ZC3H12B: variants seen among roughly 807,000 people sequenced by gnomAD.
ZC3H12B encodes the protein probable ribonuclease ZC3H12B.
Under a neutral mutation model 43.9 loss-of-function variants are expected in ZC3H12B, and 7 were observed. The ratio of observed to expected loss-of-function variants is 0.16; its 90% CI spans 0.09 to 0.30. The LOEUF (loss-of-function observed/expected upper bound fraction) is 0.30, where lower values mean the gene tolerates loss of function less well. Ranked by LOEUF, ZC3H12B falls within the 10% of genes least tolerant of loss-of-function variation. The pLI is 1.00. For missense variants in ZC3H12B, 475 were observed against 670.2 expected (o/e 0.71, Z 3.22); for synonymous variants, 222 against 241.7 (o/e 0.92, Z 0.76).
At chrX:65,410,761 T>A (rs2066895002) in intron 3 of ZC3H12B, among the ~76,000 whole-genome samples, 1 of 111,942 alleles carries the variant, frequency 8.9e-6, no homozygotes, top group African/African-American at 3.3e-5. Context: ...CAATAAGATA[T>A]CATCTCACCC....
chrX:65,144,663 G>A, the ZC3H12B span, among the ~76,000 whole-genome samples: 1 of 111,169 alleles, frequency 9.0e-6, no homozygotes, highest in African/African-American at 3.3e-5. Context: ...GTTTTGATAG[G>A]TTGTGTCACT....
chrX:65,170,941 T>A, the ZC3H12B span, among the ~76,000 whole-genome samples: 2 of 111,848 alleles, frequency 1.8e-5, no homozygotes, highest in Non-Finnish European at 3.8e-5. Flanking sequence ...TCGTCTAATA[T>A]TTTTTCAAGG....
chrX:65,418,266 C>A (rs1232007345), intron 3 of ZC3H12B, among the ~76,000 whole-genome samples: 2 of 111,494 alleles, frequency 1.8e-5, no homozygotes, highest in African/African-American at 6.5e-5. Context: ...AATACCCTAG[C>A]TCATTGTGTA....
At chrX:65,150,184 TA>T in the ZC3H12B span, among the ~76,000 whole-genome samples, 1 of 110,799 alleles carries the variant, frequency 9.0e-6, no homozygotes, top group African/African-American at 3.3e-5. Context: ...TATTATTACT[TA>T]TTTTTTTGCA....
At chrX:65,196,848 AG>A in the ZC3H12B span, among the ~76,000 whole-genome samples, 9 of 111,781 alleles carry the variant, frequency 8.1e-5, no homozygotes, top group African/African-American at 2.9e-4. Context: ...TCCAATAGAC[AG>A]GAAAAAAGAC....
intron 2 of ZC3H12B, among the ~76,000 whole-genome samples, chrX:65,381,426 C>A (rs776492614): frequency 4.4e-4 from 49 of 111,355 alleles, no homozygotes; most frequent in African/African-American, 1.6e-3. Context: ...ACACAACATA[C>A]CAGATTCTCT....
the ZC3H12B span, among the ~76,000 whole-genome samples, chrX:65,280,369 T>G: frequency 1.8e-5 from 2 of 112,195 alleles, no homozygotes; most frequent in Non-Finnish European, 3.8e-5. Context: ...ATAAAAACTC[T>G]TAATAAATTA....
the ZC3H12B span, among the ~76,000 whole-genome samples, chrX:65,097,626 A>G: frequency 8.9e-6 from 1 of 111,962 alleles, no homozygotes; most frequent in African/African-American, 3.2e-5. Flanking sequence ...CTCATATATC[A>G]TAATGTACTT....
chrX:65,302,066 A>G, the ZC3H12B span, among the ~76,000 whole-genome samples: 1 of 111,515 alleles, frequency 9.0e-6, no homozygotes, highest in East Asian at 2.8e-4. Context: ...ATACCTAACA[A>G]TATACTTAAT....
the ZC3H12B span, among the ~76,000 whole-genome samples, chrX:65,281,387 G>A: frequency 5.6e-4 from 62 of 110,162 alleles, no homozygotes; most frequent in Non-Finnish European, 1.1e-3. Flanking sequence ...GGTGTGATCT[G>A]GCTGATTTTT....
chrX:65,129,184 A>G, the ZC3H12B span, among the ~76,000 whole-genome samples: 2 of 107,941 alleles, frequency 1.9e-5, no homozygotes, highest in Non-Finnish European at 3.8e-5. Context: ...TGATATATCT[A>G]TAGTGTTTTT....
At chrX:65,127,638 C>A in the ZC3H12B span, among the ~76,000 whole-genome samples, 3 of 111,057 alleles carry the variant, frequency 2.7e-5, no homozygotes, top group African/African-American at 9.8e-5. Flanking sequence ...AGAAAGACCA[C>A]CTGGTTGTGG....
At chrX:65,160,260 G>A in the ZC3H12B span, among the ~76,000 whole-genome samples, 2 of 111,830 alleles carry the variant, frequency 1.8e-5, no homozygotes, top group Non-Finnish European at 3.8e-5. Flanking sequence ...TTGGTATCAG[G>A]ATGATGCTGG....
At chrX:65,303,241 GC>G in the ZC3H12B span, among the ~76,000 whole-genome samples, 2 of 110,453 alleles carry the variant, frequency 1.8e-5, no homozygotes, top group Non-Finnish European at 3.8e-5. Flanking sequence ...AAGGAGAGGA[GC>G]AAAAAGAACT....
At chrX:65,195,430 C>G in the ZC3H12B span, among the ~76,000 whole-genome samples, 1 of 112,015 alleles carries the variant, frequency 8.9e-6, no homozygotes, top group Non-Finnish European at 1.9e-5. Flanking sequence ...AACCAACAAA[C>G]AAGCGAAGAG....
At chrX:65,396,842 C>T (rs964063303) in intron 2 of ZC3H12B, among the ~76,000 whole-genome samples, 5 of 110,336 alleles carry the variant, frequency 4.5e-5, no homozygotes, top group African/African-American at 1.3e-4. Context: ...AGTCTAAGCC[C>T]CTTTGTAGGT....
At chrX:65,433,312 G>A (rs2067184939) in intron 3 of ZC3H12B, among the ~76,000 whole-genome samples, 1 of 112,090 alleles carries the variant, frequency 8.9e-6, no homozygotes, top group South Asian at 3.7e-4. Context: ...TTTGATGATG[G>A]CACTAATCTC....
chrX:65,341,901 T>A, the ZC3H12B span, among the ~76,000 whole-genome samples: 1 of 111,258 alleles, frequency 9.0e-6, no homozygotes, highest in South Asian at 3.7e-4. Context: ...AATTCCCCAA[T>A]TAAATGGCAC....
chrX:65,365,122 C>A (rs1473896126), upstream of ZC3H12B, among the ~76,000 whole-genome samples: 1 of 110,894 alleles, frequency 9.0e-6, no homozygotes, highest in Non-Finnish European at 1.9e-5. Context: ...TTCAGTGGAA[C>A]CTTCATACCC....
Sources: gnomAD v4.1 joint callset for allele counts (sites outside exome capture counted in the v4.1 genomes callset) on GRCh38, gnomAD v4.1.1 for gene constraint, MANE v1.5 for transcripts, NCBI Gene and HGNC (gene_info 2026-07-23, HGNC 2026-07-21) for gene names.